Variants in CDH18 observed in about 807,000 individuals in gnomAD.
CDH18 encodes the protein cadherin-18.
CDH18 carries 31 observed loss-of-function variants against 67.9 expected under a neutral mutation model. The ratio of observed to expected loss-of-function variants is 0.46; its 90% CI spans 0.34 to 0.62. The LOEUF is 0.62. Ranked by LOEUF, CDH18 falls within the 20% of genes least tolerant of loss-of-function variation. The probability of loss-of-function intolerance (pLI) is 0.01; values close to 1 mark genes in which losing one functional copy is unlikely to be tolerated. For synonymous variants in CDH18, 362 were observed against 347.2 expected, an observed-to-expected ratio of 1.04 and a Z score of -0.48; for missense variants, 890 against 975.5, an observed-to-expected ratio of 0.91 and a Z score of 1.17.
intron 1 of CDH18, among the ~76,000 whole-genome samples, chr5:20,544,872 T>G (rs903823066): frequency 5.9e-5 from 9 of 152,120 alleles, no homozygotes; most frequent in African/African-American, 2.2e-4. Context: ...CAGCATTAAC[T>G]CAAAAGTTCA....
chr5:19,612,967 C>T (rs1022338077), intron 5 of CDH18, among the ~76,000 whole-genome samples: 17 of 151,580 alleles, frequency 1.1e-4, no homozygotes, highest in Non-Finnish European at 4.4e-5. Context: ...GGTGAAACCC[C>T]GTCTCTACTA....
chr5:19,988,397 A>T (rs1418496897), upstream of CDH18, among the ~76,000 whole-genome samples: 1 of 150,008 alleles, frequency 6.7e-6, no homozygotes, highest in African/African-American at 2.5e-5. Flanking sequence ...CCCACCGTGC[A>T]TACTTTTGGG....
chr5:19,752,636 T>C, intron 3 of CDH18, among the ~76,000 whole-genome samples: 1 of 152,144 alleles, frequency 6.6e-6, no homozygotes, highest in East Asian at 1.9e-4. Context: ...TTGGGAGTTC[T>C]AGGGCCCCAC....
At chr5:19,837,416 A>C (rs529076444) in intron 3 of CDH18, among the ~76,000 whole-genome samples, 1 of 151,270 alleles carries the variant, frequency 6.6e-6, no homozygotes, top group South Asian at 2.1e-4. Flanking sequence ...AATTTTTTTA[A>C]AAAAAAAAGG....
intron 1 of CDH18, chr5:20,304,072 T>G: frequency 6.2e-7 from 1 of 1,609,312 alleles, no homozygotes; most frequent in South Asian, 1.1e-5. Context: ...CCAGTAAAAT[T>G]TTGTGCAACT....
intron 5 of CDH18, among the ~76,000 whole-genome samples, chr5:19,614,440 C>T (rs951539811): frequency 2.7e-5 from 4 of 150,558 alleles, no homozygotes; most frequent in African/African-American, 9.7e-5. Flanking sequence ...CCTCAAGCAC[C>T]CTTATTAAAA....
intron 1 of CDH18, among the ~76,000 whole-genome samples, chr5:20,369,561 C>T (rs181551419): frequency 3.4e-4 from 52 of 152,226 alleles, no homozygotes; most frequent in African/African-American, 1.2e-3. Context: ...TTAATACCAC[C>T]GCAGTTGTTC....
chr5:19,556,309 G>T (rs1298475193), intron 8 of CDH18, among the ~76,000 whole-genome samples: 1 of 151,946 alleles, frequency 6.6e-6, no homozygotes, highest in African/African-American at 2.4e-5. Flanking sequence ...TCAGAAGATT[G>T]ATTATTAAGG....
chr5:19,540,233 C>T (rs1750040537), intron 9 of CDH18, among the ~76,000 whole-genome samples: 3 of 152,160 alleles, frequency 2.0e-5, no homozygotes, highest in Admixed American at 1.3e-4. Context: ...TCTCCCTTGA[C>T]TCCATGTCTC....
At chr5:20,366,700 A>T (rs983305531) in intron 1 of CDH18, among the ~76,000 whole-genome samples, 1 of 152,222 alleles carries the variant, frequency 6.6e-6, no homozygotes, top group Non-Finnish European at 1.5e-5. Flanking sequence ...ATTAACACTG[A>T]GTGGAAACAC....
intron 11 of CDH18, among the ~76,000 whole-genome samples, chr5:19,494,978 T>C (rs1025899409): frequency 8.5e-5 from 13 of 152,190 alleles, no homozygotes; most frequent in African/African-American, 3.1e-4. Context: ...TTCCTTTCCC[T>C]GCAGTCTGTA....
intron 2 of CDH18, among the ~76,000 whole-genome samples, chr5:20,039,283 A>G (rs1197567934): frequency 6.6e-6 from 1 of 152,214 alleles, no homozygotes; most frequent in Non-Finnish European, 1.5e-5. Context: ...AGTAATTTGT[A>G]GATACAATGC....
chr5:19,638,905 C>CT, intron 5 of CDH18, among the ~76,000 whole-genome samples: 1 of 137,636 alleles, frequency 7.3e-6, no homozygotes, highest in Middle Eastern at 3.8e-3. Flanking sequence ...TTTCTTCAGA[C>CT]TTTTTGGGCA....
At chr5:19,741,988 A>G (rs899737193) in intron 4 of CDH18, among the ~76,000 whole-genome samples, 3 of 152,188 alleles carry the variant, frequency 2.0e-5, no homozygotes, top group Non-Finnish European at 4.4e-5. Flanking sequence ...TCCTAGAAGA[A>G]TATAATTCCC....
intron 5 of CDH18, among the ~76,000 whole-genome samples, chr5:19,697,042 A>G (rs1288110223): frequency 6.6e-6 from 1 of 152,226 alleles, no homozygotes; most frequent in Non-Finnish European, 1.5e-5. Context: ...TGAATGAAAC[A>G]GTTGAAATGA....
At position 19,571,702 on chromosome 5, in the gene CDH18, A is replaced by G. The variant is rs745833404; in HGVS notation, c.1130T>C (p.Val377Ala). ...ATMLKIIVGD[V>A]DEPPLFSMPS... ...CATGGAAAATAGTGGTGGTTCATCTACATCCCCAACAATGATCTTCAGCAT... is the reference window on the plus strand; with the variant it reads ...CATGGAAAATAGTGGTGGTTCATCTGCATCCCCAACAATGATCTTCAGCAT... The change falls in exon 8 of 13, where the codon GTA (valine) becomes GCA (alanine). Residue 377 changes from valine to alanine, a missense_variant. Physicochemically the swap from Val to Ala is moderately conservative, Grantham distance 64. This residue lies in a region of CDH18 where 656 missense variants were observed against 668.1 expected (regional missense o/e 0.98). Coordinates refer to ENST00000382275, the MANE Select transcript of CDH18 (RefSeq NM_004934.5). 1.2e-6 allele frequency: 2 copies of G among 1,614,044 alleles called. No homozygotes were observed. The highest frequency in any genetic ancestry group is 1.7e-6 in the Non-Finnish European group (2 of 1,179,948).
chr5:19,863,895 T>C (rs188935031), intron 2 of CDH18, among the ~76,000 whole-genome samples: 170 of 152,206 alleles, frequency 1.1e-3, no homozygotes, highest in African/African-American at 3.8e-3. Context: ...ACAAACTCGA[T>C]GTGGAGAAAT....
intron 11 of CDH18, among the ~76,000 whole-genome samples, chr5:19,500,294 A>T (rs1399916981): frequency 3.9e-5 from 6 of 152,038 alleles, no homozygotes; most frequent in Non-Finnish European, 7.4e-5. Context: ...TTTTAATTTC[A>T]TCTTTATACA....
chr5:19,709,397 T>A (rs1764408034), intron 5 of CDH18, among the ~76,000 whole-genome samples: 1 of 151,956 alleles, frequency 6.6e-6, no homozygotes, highest in Non-Finnish European at 1.5e-5. Flanking sequence ...GTGAAACCCA[T>A]CTCTACTAAA....
Sources: gnomAD v4.1 joint callset for allele counts (sites outside exome capture counted in the v4.1 genomes callset) on GRCh38, gnomAD v4.1.1 for gene constraint, gnomAD v4.1.1 regional missense constraint, MANE v1.5 for transcripts, NCBI Gene and HGNC (gene_info 2026-07-23, HGNC 2026-07-21) for gene names.